MARF1: variants seen among roughly 807,000 people sequenced by gnomAD.
MARF1 encodes limkain-b1.
MARF1 carries 24 observed loss-of-function variants against 168.2 expected under a neutral mutation model. That is an observed-to-expected ratio of 0.14 (90% CI 0.10 to 0.20). The LOEUF (loss-of-function observed/expected upper bound fraction) is 0.20, where lower values mean the gene tolerates loss of function less well. MARF1 is among the 10% of genes least tolerant of loss of function. The pLI, the probability that MARF1 is intolerant of heterozygous loss-of-function variation, is 1.00. For missense variants in MARF1, 1,744 were observed against 2,143.6 expected (o/e 0.81, Z 3.68); for synonymous variants, 868 against 822.4 (o/e 1.06, Z -0.95).
chr16:15,612,517 A>G (rs1211674913), intron 17 of MARF1, 40 bp downstream of exon 17: 1 of 1,546,156 alleles, frequency 6.5e-7, no homozygotes, highest in Non-Finnish European at 8.9e-7. Context: ...ATGGAGGAAC[A>G]TTCCTGCCTG....
Position 15,616,255 on chromosome 16 carries a change from C to T in MARF1, c.3078-250G>A, listed in dbSNP as rs951434652. The stretch of plus-strand genomic sequence containing the variant: ...GGGGATTAAAAATAGGGCAACTGGG[C>T]TCCAAGTCAGTTACGCGTCTGCTTC... On this transcript the variant is annotated intron_variant, in intron 15 of 26. Transcript: ENST00000396368. 2.6e-5 allele frequency among the ~76,000 whole-genome samples: 4 copies of T among 152,280 alleles called. No homozygotes were observed. In the East Asian group the frequency reaches 7.7e-4, roughly 29 times the overall value.
Position 15,595,441 on chromosome 16 carries a change from C to G in MARF1, c.*1252G>C, listed in dbSNP as rs1314285352. ...GTTCTTTCTGCTCTATGAATGAATCCGCCTTTTTTGCCGGACAAATACAAT... is the reference window on the plus strand; with the variant it reads ...GTTCTTTCTGCTCTATGAATGAATCGGCCTTTTTTGCCGGACAAATACAAT... On this transcript the variant is annotated 3_prime_UTR_variant, in exon 27 of 27. Transcript: ENST00000396368. 1 of 152,520 alleles carries G rather than the reference C, an allele frequency of 6.6e-6. No individual in the cohort carries two copies. The highest frequency in any genetic ancestry group is 1.5e-5 in the Non-Finnish European group (1 of 68,030). The allele number at this position is 152,520 out of a possible 1,614,324, so 9.4% of individuals were successfully genotyped here.
At chr16:15,604,479 G>A in intron 21 of MARF1, 81 bp from the exon 22 acceptor site, 1 of 897,550 alleles carries the variant, frequency 1.1e-6, no homozygotes, top group South Asian at 1.5e-5. Flanking sequence ...ACTTCATTTT[G>A]GTTAATGAGA....
chr16:15,616,170 ACTGAGGCACTGGCCTCT>A (rs1477337760), intron 15 of MARF1, among the ~76,000 whole-genome samples, 165 bp from the exon 16 acceptor site: 1 of 152,220 alleles, frequency 6.6e-6, no homozygotes, highest in Non-Finnish European at 1.5e-5. Context: ...GGAGGCAAGC[ACTGAGGCACTGGCCTCT>A]CTGATGCATT....
chr16:15,638,235 A>G (rs7199717), intron 2 of MARF1, among the ~76,000 whole-genome samples: 68,045 of 152,084 alleles, frequency 0.45, 15,563 homozygotes, highest in Middle Eastern at 0.52. Context: ...CTTGAATCCC[A>G]CATACAATAG....
chr16:15,616,069 T>G, intron 15 of MARF1, 64 bp from the exon 16 acceptor site: 29 of 1,266,340 alleles, frequency 2.3e-5, no homozygotes, highest in Non-Finnish European at 2.9e-5. Flanking sequence ...AAGGAGGCGC[T>G]TGCTAAACAG....
chr16:15,602,694 A>G (rs749356773), intron 22 of MARF1: 2 of 451,944 alleles, frequency 4.4e-6, no homozygotes, highest in African/African-American at 4.1e-5. Context: ...AGAAGGCTAT[A>G]GCCTCCAGCA....
intron 22 of MARF1, 57 bp from the exon 23 acceptor site, chr16:15,602,260 A>G: frequency 2.1e-6 from 3 of 1,433,158 alleles, no homozygotes; most frequent in Non-Finnish European, 2.0e-6. Flanking sequence ...TGCCCCGTGG[A>G]AAGTGAAGGC....
chr16:15,612,460 G>A, intron 17 of MARF1, 97 bp downstream of exon 17: 2 of 1,074,474 alleles, frequency 1.9e-6, no homozygotes, highest in East Asian at 2.4e-5. Context: ...GCCCAGAACT[G>A]ACTTCTTAGG....
In MARF1 at chr16:15,617,445, G is replaced by C. The variant is rs1418348990; in HGVS notation, c.2811C>G (p.Leu937=). The change falls in exon 14 of 27, where the codon CTC becomes CTG. Residue 937 remains leucine, a synonymous_variant. Transcript: ENST00000396368. ...TCTGGCGGGCCTGACTGCTGGGTAGGAGACACACCAGCCGTCCGTTTCCTT... is the reference window on the plus strand; with the variant it reads ...TCTGGCGGGCCTGACTGCTGGGTAGCAGACACACCAGCCGTCCGTTTCCTT... The part of the protein sequence containing the change: ...REQGNGRLVC[L]LPSSQARQSP... 1 of 1,613,996 alleles carries C rather than the reference G, an allele frequency of 6.2e-7. No individual in the cohort carries two copies. Among genetic ancestry groups the C allele is most frequent in the Non-Finnish European group, 8.5e-7 (1 of 1,180,002 alleles).
In MARF1 at chr16:15,624,887, C is replaced by T; in HGVS notation, c.2152G>A (p.Val718Ile). 2 of 1,614,160 alleles carry T rather than the reference C, an allele frequency of 1.2e-6. No homozygotes were observed. The highest frequency in any genetic ancestry group is 1.7e-6 in the Non-Finnish European group (2 of 1,180,032). The change falls in exon 10 of 27, where the codon GTA (valine) becomes ATA (isoleucine). Residue 718 changes from valine to isoleucine, a missense_variant. Val to Ile is a conservative substitution (Grantham distance 29). Around this residue, in one of 7 missense-constraint regions of MARF1, gnomAD observed 270 missense variants for 260.6 expected, o/e 1.04. Coordinates refer to ENST00000396368, the MANE Select transcript of MARF1 (RefSeq NM_014647.4). The stretch of plus-strand genomic sequence containing the variant: ...GTCTCCTCTTTATCTTTTTTCTCTA[C>T]AGGAGAACTGGTAACACTTCGGGCA... ...LSARSVTSSP[V>I]EKKDKEETVF...
chr16:15,604,817 T>A (rs1363326360), intron 21 of MARF1, among the ~76,000 whole-genome samples: 1 of 152,128 alleles, frequency 6.6e-6, no homozygotes, highest in Non-Finnish European at 1.5e-5. Flanking sequence ...AACACTCACA[T>A]GGCTTCTGTG....
At chr16:15,603,658 A>G (rs1211588215) in intron 22 of MARF1, among the ~76,000 whole-genome samples, 2 of 152,060 alleles carry the variant, frequency 1.3e-5, no homozygotes, top group Non-Finnish European at 2.9e-5. Context: ...TATTTTTTCC[A>G]GGATTTCATT....
Position 15,623,272 on chromosome 16 carries a change from A to AT in MARF1, c.2271-150dup. 1.4e-5 allele frequency: 4 copies of AT among 287,990 alleles called. No individual in the cohort carries two copies. In the South Asian group the frequency reaches 4.3e-4, roughly 31 times the overall value. 17.8% of individuals were successfully genotyped at this position (287,990 alleles called of 1,614,324 possible). A position where few individuals can be genotyped will look rare whatever the true frequency, so the allele number is the denominator to read the frequency against. ...CATTTGGTTTTCAAATGTGTTTTTA[A>AT]TCTTTTTTTTTTTTTTTTTTTTTTT... On this transcript the variant is annotated intron_variant, in intron 10 of 26. Coordinates refer to ENST00000396368, the MANE Select transcript of MARF1 (RefSeq NM_014647.4).
intron 2 of MARF1, 144 bp from the exon 3 acceptor site, chr16:15,636,486 C>G (rs2035607009): frequency 4.7e-6 from 3 of 634,152 alleles, no homozygotes; most frequent in South Asian, 2.3e-5. Context: ...GGAATCACAG[C>G]TAGTTAAAAC....
chr16:15,634,640 A>T, intron 4 of MARF1, 117 bp downstream of exon 4: 1 of 959,942 alleles, frequency 1.0e-6, no homozygotes, highest in Non-Finnish European at 1.5e-6. Flanking sequence ...TTGGAGACTC[A>T]CATACACAGT....
At position 15,608,377 on chromosome 16, in the gene MARF1, T is replaced by C. The variant is rs2033210631; in HGVS notation, c.4096A>G (p.Lys1366Glu). 3 of 1,614,016 alleles carry C rather than the reference T, an allele frequency of 1.9e-6. No individual in the cohort carries two copies. Among genetic ancestry groups the C allele is most frequent in the Admixed American group, 1.7e-5 (1 of 60,000 alleles). ...AGACGAAATGTATAACCAAAAGTTT[T>C]AGCATATTCTGTAAGGAGATCTGTC... is the stretch of plus-strand genomic sequence containing the variant. Reference protein sequence around the residue: ...MMTDLLTEYAKTFGYTFRLQD... With the variant: ...MMTDLLTEYAETFGYTFRLQD... Residue 1366 changes from lysine to glutamate, a missense_variant, in exon 21 of 27, where the codon AAA becomes GAA. Lys to Glu is a moderately conservative substitution (Grantham distance 56). Coordinates refer to ENST00000396368, the MANE Select transcript of MARF1 (RefSeq NM_014647.4).
rs2035799176 is a variant in MARF1 at position 15,639,351 on chromosome 16, A to G, written c.-58-60T>C. ...CTTGCATAAGTACAAATTTTACAAC[A>G]TACTAAAATGTGAAACCACAGCTAT... On this transcript the variant is annotated intron_variant, in intron 1 of 26. Transcript: ENST00000396368. The G allele has an allele frequency of 2.6e-6, 3 of 1,138,802 alleles. No individual in the cohort carries two copies. The South Asian group carries it at 4.5e-5, about 17-fold the overall frequency. The allele number at this position is 1,138,802 out of a possible 1,614,324, so 70.5% of individuals were successfully genotyped here. A position where few individuals can be genotyped will look rare whatever the true frequency, so the allele number is the denominator to read the frequency against.
chr16:15,631,024 G>A (rs1217122499), intron 6 of MARF1, among the ~76,000 whole-genome samples: 2 of 152,124 alleles, frequency 1.3e-5, no homozygotes, highest in Non-Finnish European at 2.9e-5. Flanking sequence ...TAGCTACTTG[G>A]GAGGCTGAGG....
Sources: allele counts gnomAD v4.1 joint callset (sites outside exome capture counted in the v4.1 genomes callset), GRCh38; gene constraint gnomAD v4.1.1; regional missense constraint gnomAD v4.1.1; transcripts MANE v1.5; gene names NCBI Gene and HGNC (gene_info 2026-07-23, HGNC 2026-07-21).